Variants in CELF2 observed in about 807,000 individuals in gnomAD.
CELF2 encodes the protein CUGBP Elav-like family member 2, also known as CUG triplet repeat RNA-binding protein 2.
CELF2 carries 8 observed loss-of-function variants against 62.6 expected under a neutral mutation model. That is an observed-to-expected ratio of 0.13 (90% confidence interval 0.07 to 0.23). The LOEUF is 0.23. Ranked by LOEUF, CELF2 falls within the 10% of genes least tolerant of loss-of-function variation. CELF2 has a pLI of 1.00. For missense variants in CELF2, 333 were observed against 671.0 expected (o/e 0.50, Z 5.56); for synonymous variants, 258 against 250.0 (o/e 1.03, Z -0.30).
At chr10:11,092,138 C>A (rs1280604038) in intron 1 of CELF2, 1 of 152,152 alleles carries the variant, frequency 6.6e-6, no homozygotes. Flanking sequence ...CCCATACAGG[C>A]CTCTGAAGGG....
intron 1 of CELF2, among the ~76,000 whole-genome samples, chr10:11,161,509 T>C (rs2065726321): frequency 6.6e-6 from 1 of 152,244 alleles, no homozygotes; most frequent in Non-Finnish European, 1.5e-5. Context: ...AGGCACCTTT[T>C]GTGTGACATT....
the CELF2 span, among the ~76,000 whole-genome samples, chr10:10,757,545 T>C: frequency 6.6e-6 from 1 of 152,348 alleles, no homozygotes; most frequent in East Asian, 1.9e-4. Flanking sequence ...CATGTATGTA[T>C]GTATGTATAC....
chr10:10,880,590 G>T (rs887857781), intron 1 of CELF2, among the ~76,000 whole-genome samples: 8 of 152,260 alleles, frequency 5.3e-5, no homozygotes, highest in African/African-American at 1.9e-4. Flanking sequence ...ACTAAAATAT[G>T]TTGAGCATAT....
the CELF2 span, among the ~76,000 whole-genome samples, chr10:10,588,202 A>C: frequency 6.6e-6 from 1 of 152,110 alleles, no homozygotes; most frequent in Non-Finnish European, 1.5e-5. Flanking sequence ...CCCAAATCCC[A>C]GGGCAGCTTG....
chr10:10,908,213 G>GTTTTT (rs1564802363), intron 1 of CELF2, among the ~76,000 whole-genome samples: 4 of 26,540 alleles, frequency 1.5e-4, no homozygotes, highest in Admixed American at 4.3e-4. Context: ...TGTATGAGGG[G>GTTTTT]ATTTTTTTTT....
At chr10:11,272,066 C>T (rs779557577) in intron 7 of CELF2, among the ~76,000 whole-genome samples, 1 of 152,152 alleles carries the variant, frequency 6.6e-6, no homozygotes, top group Non-Finnish European at 1.5e-5. Flanking sequence ...AGCTGCCCCA[C>T]CCCCAGTGCC....
At chr10:10,988,521 T>A (rs1435135675) in intron 2 of CELF2, among the ~76,000 whole-genome samples, 2 of 151,004 alleles carry the variant, frequency 1.3e-5, no homozygotes. Context: ...GTGGGGAGGG[T>A]TGGGAGGTGG....
the CELF2 span, among the ~76,000 whole-genome samples, chr10:10,591,793 T>G: frequency 7.2e-5 from 11 of 152,340 alleles, no homozygotes; most frequent in African/African-American, 2.6e-4. Context: ...CACCAGTAGC[T>G]CTGCTGTGCC....
the CELF2 span, among the ~76,000 whole-genome samples, chr10:10,464,745 T>C: frequency 6.6e-6 from 1 of 152,180 alleles, no homozygotes; most frequent in African/African-American, 2.4e-5. Flanking sequence ...GAACTAGTAA[T>C]CAGTCCATAA....
Position 11,165,324 on chromosome 10 carries a change from C to G in CELF2, c.75-162C>G, listed in dbSNP as rs2066746798. On this transcript the variant is annotated intron_variant, in intron 1 of 12. Transcript: ENST00000633077. The surrounding 1 kb of genome is among the most constrained non-coding windows in gnomAD (Gnocchi z 7.4). ...CGCCGAGGAGCAACTCATGGTGCCTCCGCTTTGTTTTAGTTCATCAAATTT... is the reference window on the plus strand; with the variant it reads ...CGCCGAGGAGCAACTCATGGTGCCTGCGCTTTGTTTTAGTTCATCAAATTT... The G allele has an allele frequency of 7.0e-7, 1 of 1,421,552 alleles. No homozygotes were observed. Among genetic ancestry groups the G allele is most frequent in the East Asian group, 2.7e-5 (1 of 37,612 alleles). The allele number at this position is 1,421,552 out of a possible 1,614,324, so 88.1% of individuals were successfully genotyped here. A position where few individuals can be genotyped will look rare whatever the true frequency, so the allele number is the denominator to read the frequency against.
chr10:11,292,869 G>C (rs2092699472), intron 9 of CELF2, among the ~76,000 whole-genome samples: 1 of 152,160 alleles, frequency 6.6e-6, no homozygotes, highest in African/African-American at 2.4e-5. Flanking sequence ...CAGCCCCTCA[G>C]TTCTCCCTGT....
At chr10:11,061,777 A>T (rs960091759) in intron 1 of CELF2, among the ~76,000 whole-genome samples, 5 of 152,238 alleles carry the variant, frequency 3.3e-5, no homozygotes, top group Admixed American at 2.6e-4. Flanking sequence ...CCTGGATGAC[A>T]GCACATCTGT....
upstream of CELF2, among the ~76,000 whole-genome samples, chr10:11,014,635 T>A (rs1010916996): frequency 7.2e-5 from 11 of 152,082 alleles, no homozygotes; most frequent in African/African-American, 2.2e-4. Context: ...GTTTTTTTTT[T>A]AATGCCAGTG....
At chr10:10,671,782 T>G in the CELF2 span, among the ~76,000 whole-genome samples, 1 of 151,902 alleles carries the variant, frequency 6.6e-6, no homozygotes, top group Non-Finnish European at 1.5e-5. Flanking sequence ...CAGGCTGGAG[T>G]GCAGTGGTGC....
the CELF2 span, among the ~76,000 whole-genome samples, chr10:10,519,141 A>G: frequency 3.3e-5 from 5 of 152,170 alleles, no homozygotes; most frequent in African/African-American, 1.2e-4. Flanking sequence ...GCAAAATGGA[A>G]TTGGCTAAAG....
chr10:11,105,050 C>G (rs2053017165), intron 1 of CELF2, among the ~76,000 whole-genome samples: 1 of 152,172 alleles, frequency 6.6e-6, no homozygotes, highest in African/African-American at 2.4e-5. Flanking sequence ...TTTTTCCAAC[C>G]CTGTGATTTC....
intron 2 of CELF2, among the ~76,000 whole-genome samples, chr10:11,189,697 G>A (rs1032897503): frequency 1.3e-5 from 2 of 152,212 alleles, no homozygotes; most frequent in Non-Finnish European, 2.9e-5. Context: ...CAGGCAAGAG[G>A]ACTGTCCATC....
At chr10:10,512,148 G>T in the CELF2 span, among the ~76,000 whole-genome samples, 1 of 152,092 alleles carries the variant, frequency 6.6e-6, no homozygotes, top group Non-Finnish European at 1.5e-5. Context: ...GGGTATAAAT[G>T]AAACAAGCAA....
upstream of CELF2, among the ~76,000 whole-genome samples, chr10:10,797,840 C>T (rs539796305): frequency 1.3e-5 from 2 of 152,156 alleles, no homozygotes; most frequent in African/African-American, 2.4e-5. Context: ...AGAACCCATA[C>T]GGGGCGAAGG....
Sources: allele counts gnomAD v4.1 joint callset (sites outside exome capture counted in the v4.1 genomes callset), GRCh38; gene constraint gnomAD v4.1.1; non-coding constraint Gnocchi (gnomAD v3.1); transcripts MANE v1.5; gene names NCBI Gene and HGNC (gene_info 2026-07-23, HGNC 2026-07-21).